CHD8: variants seen among roughly 807,000 people sequenced by gnomAD.
The protein encoded by CHD8 is chromodomain helicase DNA binding protein 8, also known as ATP-dependent chromatin remodeler CHD8.
Under a neutral mutation model 279.2 loss-of-function variants are expected in CHD8, and 31 were observed. The ratio of observed to expected loss-of-function variants is 0.11; its 90% CI spans 0.08 to 0.15. CHD8 has a LOEUF of 0.15. CHD8 is among the 10% of genes least tolerant of loss of function. The probability of loss-of-function intolerance (pLI) is 1.00; values close to 1 mark genes in which losing one functional copy is unlikely to be tolerated. For missense variants in CHD8, 2,146 were observed against 3,230.5 expected (o/e 0.66, Z 8.14); for synonymous variants, 1,081 against 1,139.6 (o/e 0.95, Z 1.04).
At chr14:21,417,863 A>ATAT (rs1329765463) in intron 5 of CHD8, among the ~76,000 whole-genome samples, 374 of 137,738 alleles carry the variant, frequency 2.7e-3, no homozygotes, top group African/African-American at 0.01. Context: ...AAAAAAAAAA[A>ATAT]AAATATATAT....
At chr14:21,454,090 G>A (rs189202998) in intron 1 of CHD8, among the ~76,000 whole-genome samples, 1 of 151,504 alleles carries the variant, frequency 6.6e-6, no homozygotes, top group African/African-American at 2.4e-5. Context: ...CCTGGGAGGC[G>A]GAGGTTGCAG....
At chr14:21,386,604 G>A (rs375146076) in intron 37 of CHD8, among the ~76,000 whole-genome samples, 7 of 152,170 alleles carry the variant, frequency 4.6e-5, no homozygotes, top group African/African-American at 1.2e-4. Context: ...TTGGGAGGCC[G>A]AGGCGGGGGA....
intron 5 of CHD8, among the ~76,000 whole-genome samples, chr14:21,422,643 T>C (rs919467867): frequency 1.3e-5 from 2 of 152,170 alleles, no homozygotes; most frequent in South Asian, 2.1e-4. Context: ...AAAAAAGAAA[T>C]GTAGCCAAGT....
At position 21,402,984 on chromosome 14, in the gene CHD8, G is replaced by A. The variant is rs777017479; in HGVS notation, c.3714+33C>T. The A allele has an allele frequency of 6.5e-7, 1 of 1,535,394 alleles. No individual in the cohort carries two copies. Among genetic ancestry groups the A allele is most frequent in the Non-Finnish European group, 8.9e-7 (1 of 1,119,618 alleles). ...CTTGTTGAAAAATCTCCCAAGTTAG[G>A]TAGTTAGTCCCTAAGACAATGAATT... On this transcript the variant is annotated intron_variant, in intron 18 of 37. Coordinates refer to ENST00000646647, the MANE Select transcript of CHD8 (RefSeq NM_001170629.2). The surrounding 1 kb of genome is among the most constrained non-coding windows in gnomAD (Gnocchi z 4.5).
chr14:21,394,693 C>T lies in CHD8; in HGVS notation c.5391-208G>A, dbSNP rs2139449637. On this transcript the variant is annotated intron_variant, in intron 30 of 37. Coordinates refer to ENST00000646647, the MANE Select transcript of CHD8 (RefSeq NM_001170629.2). ...TTACAGAGCCAAGGGGGAAAAGACA[C>T]AGACAAATATCAATGAAAATGTCTA... 5 of 626,628 alleles carry T rather than the reference C, an allele frequency of 8.0e-6. No homozygotes were observed. The East Asian group carries it at 1.1e-4, about 14-fold the overall frequency. 38.8% of individuals were successfully genotyped at this position (626,628 alleles called of 1,614,324 possible).
intron 11 of CHD8, among the ~76,000 whole-genome samples, chr14:21,409,176 T>C (rs1379144983): frequency 6.6e-6 from 1 of 152,214 alleles, no homozygotes; most frequent in Non-Finnish European, 1.5e-5. Flanking sequence ...TAGTGGCTAC[T>C]GTATTAGACA....
chr14:21,394,578 TG>T, intron 30 of CHD8, 93 bp from the exon 31 acceptor site: 5 of 240,958 alleles, frequency 2.1e-5, no homozygotes, highest in Non-Finnish European at 3.0e-5. Context: ...TTAGAATATC[TG>T]AAAACACAAA....
intron 5 of CHD8, among the ~76,000 whole-genome samples, chr14:21,419,371 C>T (rs1452397546): frequency 6.6e-5 from 10 of 152,122 alleles, no homozygotes; most frequent in Admixed American, 6.5e-4. Flanking sequence ...CCAGCCTGAG[C>T]AACATGGTGA....
At chr14:21,413,465 G>A (rs1050006121) in intron 9 of CHD8, among the ~76,000 whole-genome samples, 7 of 150,536 alleles carry the variant, frequency 4.7e-5, no homozygotes, top group African/African-American at 1.7e-4. Context: ...AGCGATCTTG[G>A]CTCACTGCAA....
At chr14:21,441,614 C>G (rs772924674) in intron 1 of CHD8, among the ~76,000 whole-genome samples, 1 of 151,850 alleles carries the variant, frequency 6.6e-6, no homozygotes, top group Non-Finnish European at 1.5e-5. Context: ...TAGAGCTGGG[C>G]GTGGTGGCTC....
chr14:21,455,275 G>A (rs1890357081), intron 1 of CHD8: 1 of 152,206 alleles, frequency 6.6e-6, no homozygotes, highest in South Asian at 2.1e-4. Flanking sequence ...CCCTTAAAAA[G>A]CAAGAGGCTG....
Position 21,392,804 on chromosome 14 carries a change from A to G in CHD8, c.6474T>C (p.Arg2158=). The change falls in exon 34 of 38, where the codon CGT becomes CGC. Residue 2158 remains arginine, a synonymous_variant. Transcript: ENST00000646647. ...RQRASEWPKD[R]VLINRIDLVC... ...CGAGGTCAATACGGTTTATCAGGAC[A>G]CGATCCTGAATGGGGAAAGAAAGAA... is the stretch of plus-strand genomic sequence containing the variant. 1 of 1,613,524 alleles carries G rather than the reference A, an allele frequency of 6.2e-7. No individual in the cohort carries two copies. Among genetic ancestry groups the G allele is most frequent in the East Asian group, 2.2e-5 (1 of 44,884 alleles).
Position 21,415,818 on chromosome 14 carries a change from C to T in CHD8, c.1806G>A (p.Val602=), listed in dbSNP as rs1194023325. 5 of 1,613,718 alleles carry T rather than the reference C, an allele frequency of 3.1e-6. No homozygotes were observed. Among genetic ancestry groups the T allele is most frequent in the Middle Eastern group, 3.3e-4 (2 of 6,084 alleles). The part of the protein sequence containing the change: ...KITDDEEEEE[V]DVTGPIKPEP... The stretch of plus-strand genomic sequence containing the variant: ...CAGGTTTTATTGGACCAGTTACATC[C>T]ACCTCTTCTTCTTCTTCATCATCTG... The change falls in exon 6 of 38, where the codon GTG becomes GTA. Residue 602 remains valine (V), a synonymous_variant. Coordinates refer to ENST00000646647, the MANE Select transcript of CHD8 (RefSeq NM_001170629.2).
In CHD8 at chr14:21,430,841, G is replaced by C. The variant is rs1298955318; in HGVS notation, c.803C>G (p.Pro268Arg). 6.3e-7 allele frequency: 1 copy of C among 1,599,042 alleles called. No individual in the cohort carries two copies. Among genetic ancestry groups the C allele is most frequent in the South Asian group, 1.1e-5 (1 of 91,012 alleles). The change falls in exon 2 of 38, where the codon CCA becomes CGA. Residue 268 changes from proline to arginine, a missense_variant. Physicochemically the swap from Pro to Arg is moderately radical, Grantham distance 103. Transcript: ENST00000646647. Reference sequence around the variant, plus strand: ...GGTCAGTGTAACTGCAGGCTTCAGTGGGGGCCCTGTGGCCCCAGGGTTTCC... The same window carrying C: ...GGTCAGTGTAACTGCAGGCTTCAGTCGGGGCCCTGTGGCCCCAGGGTTTCC... ...PAGNPGATGP[P>R]LKPAVTLTST...
chr14:21,402,627 C>T lies in CHD8; in HGVS notation c.3715-124G>A, dbSNP rs867994111. 13 of 933,614 alleles carry T rather than the reference C, an allele frequency of 1.4e-5. No homozygotes were observed. The highest frequency in any genetic ancestry group is 4.6e-4 in the Middle Eastern group (2 of 4,370). The allele number at this position is 933,614 out of a possible 1,614,324, so 57.8% of individuals were successfully genotyped here. A position where few individuals can be genotyped will look rare whatever the true frequency, so the allele number is the denominator to read the frequency against. ...GAGCAGCCATGAGATCAACTCAAAA[C>T]CAAGAGTCAATTTCAAGATGAAATT... On this transcript the variant is annotated intron_variant, in intron 18 of 37. Coordinates refer to ENST00000646647, the MANE Select transcript of CHD8 (RefSeq NM_001170629.2). The surrounding 1 kb of genome is among the most constrained non-coding windows in gnomAD (Gnocchi z 4.5).
At position 21,385,430 on chromosome 14, in the gene CHD8, T is replaced by A. The variant is rs1351924843; in HGVS notation, c.*183A>T. The stretch of plus-strand genomic sequence containing the variant: ...TCATGTATTATTTTAGGAGTTCCCC[T>A]GCCCACCCAATCCTCTCATAATTGG... On this transcript the variant is annotated 3_prime_UTR_variant, in exon 38 of 38. Transcript: ENST00000646647. 2 of 995,510 alleles carry A rather than the reference T, an allele frequency of 2.0e-6. No homozygotes were observed. Among genetic ancestry groups the A allele is most frequent in the Non-Finnish European group, 2.8e-6 (2 of 705,504 alleles). 61.7% of individuals were successfully genotyped at this position (995,510 alleles called of 1,614,324 possible).
chr14:21,435,555 A>G (rs1319515186), intron 1 of CHD8, among the ~76,000 whole-genome samples: 1 of 152,144 alleles, frequency 6.6e-6, no homozygotes, highest in Non-Finnish European at 1.5e-5. Flanking sequence ...ATGATAAAGT[A>G]TTTTGTTTTA....
At chr14:21,436,547 C>T (rs1474360764) in intron 1 of CHD8, among the ~76,000 whole-genome samples, 1 of 152,144 alleles carries the variant, frequency 6.6e-6, no homozygotes, top group African/African-American at 2.4e-5. Context: ...ACTCAGATTT[C>T]CTAAGTAGAT....
intron 26 of CHD8, chr14:21,398,945 C>G (rs1359932543): frequency 4.8e-6 from 2 of 412,378 alleles, no homozygotes; most frequent in South Asian, 4.0e-5. Context: ...CTGTAAAGAC[C>G]CTCACAGGCA....
Sources: allele counts gnomAD v4.1 joint callset (sites outside exome capture counted in the v4.1 genomes callset), GRCh38; gene constraint gnomAD v4.1.1; non-coding constraint Gnocchi (gnomAD v3.1); transcripts MANE v1.5; gene names NCBI Gene and HGNC (gene_info 2026-07-23, HGNC 2026-07-21).